The following ZNF136 variants were observed in gnomAD, a reference collection of about 807,000 sequenced individuals.
ZNF136 encodes the protein zinc finger protein 136.
A neutral mutation model predicts 11.4 loss-of-function variants in ZNF136; 8 were observed. The ratio of observed to expected loss-of-function variants is 0.70; its 90% CI spans 0.41 to 1.27. The LOEUF (loss-of-function observed/expected upper bound fraction) is 1.27. Ranked by LOEUF, ZNF136 falls within the 50% of genes most tolerant of loss-of-function variation. ZNF136 has a pLI of 0.01. For synonymous variants in ZNF136, 190 were observed against 207.1 expected (o/e 0.92, Z 0.71); for missense variants, 590 against 656.5 (o/e 0.90, Z 1.11).
In ZNF136 at chr19:12,176,378, C is replaced by G. The variant is rs559290673; in HGVS notation, c.4-9407C>G. Reference sequence around the variant, plus strand: ...TTTCGCTCTTGTTGCCCAGGTGGGACTGCAGTGGCGGGATCTCGGCTCACT... The same window carrying G: ...TTTCGCTCTTGTTGCCCAGGTGGGAGTGCAGTGGCGGGATCTCGGCTCACT... On this transcript the variant is annotated intron_variant, in intron 1 of 3. Transcript: ENST00000343979. 1.0e-3 allele frequency among the ~76,000 whole-genome samples: 154 copies of G among 152,048 alleles called. 1 individual carries two copies. In the East Asian group the frequency reaches 0.022, roughly 22 times the overall value.
chr19:12,165,986 G>T (rs532091672), intron 1 of ZNF136, among the ~76,000 whole-genome samples: 1 of 152,278 alleles, frequency 6.6e-6, no homozygotes, highest in South Asian at 2.1e-4. Flanking sequence ...CCAGCACTTT[G>T]GGAGGCTGAA....
At chr19:12,180,646 T>C (rs1184431202) in intron 1 of ZNF136, among the ~76,000 whole-genome samples, 2 of 152,208 alleles carry the variant, frequency 1.3e-5, no homozygotes, top group South Asian at 2.1e-4. Context: ...CCACCTCTTA[T>C]ACATCTTCAG....
chr19:12,180,873 G>A (rs1401210666), intron 1 of ZNF136, among the ~76,000 whole-genome samples: 1 of 152,198 alleles, frequency 6.6e-6, no homozygotes, highest in Non-Finnish European at 1.5e-5. Context: ...CACTGCATAC[G>A]GTGTGTGCTA....
chr19:12,163,232 G>A (rs771738089), intron 1 of ZNF136, 26 bp downstream of exon 1: 2 of 1,377,922 alleles, frequency 1.5e-6, no homozygotes, highest in Non-Finnish European at 1.9e-6. Flanking sequence ...CCTGCGTCCC[G>A]AGACAGGGAG....
chr19:12,171,001 A>AGTC (rs1277710333), intron 1 of ZNF136, among the ~76,000 whole-genome samples: 2 of 151,824 alleles, frequency 1.3e-5, no homozygotes, highest in African/African-American at 4.8e-5. Flanking sequence ...ACGCCCGGCT[A>AGTC]ATTTTGTTTT....
rs768298482 is a variant in ZNF136, at chr19:12,185,837, C to G, written c.56C>G (p.Ala19Gly). Reference sequence around the variant, plus strand: ...GTGAACTTCACCCAGGAGGAGTGGGCTTTGCTAGATCCTTCCCAGAAGAAT... The same window carrying G: ...GTGAACTTCACCCAGGAGGAGTGGGGTTTGCTAGATCCTTCCCAGAAGAAT... The part of the protein sequence containing the change: ...VDVNFTQEEW[A>G]LLDPSQKNLY... Residue 19 changes from alanine to glycine, a missense_variant, in exon 2 of 4, where the codon GCT (alanine) becomes GGT (glycine). By Grantham distance (60) the Ala-to-Gly change is moderately conservative. Coordinates refer to ENST00000343979, the MANE Select transcript of ZNF136 (RefSeq NM_003437.5). 2 of 1,613,822 alleles carry G rather than the reference C, an allele frequency of 1.2e-6. No individual in the cohort carries two copies. The highest frequency in any genetic ancestry group is 1.7e-6 in the Non-Finnish European group (2 of 1,179,966).
intron 1 of ZNF136, chr19:12,184,925 G>C: frequency 6.6e-6 from 1 of 152,194 alleles, no homozygotes; most frequent in Non-Finnish European, 1.5e-5. Flanking sequence ...TGTGATGCAG[G>C]ACAGGTGCGC....
At chr19:12,171,608 C>T (rs1914654919) in intron 1 of ZNF136, among the ~76,000 whole-genome samples, 1 of 152,014 alleles carries the variant, frequency 6.6e-6, no homozygotes, top group South Asian at 2.1e-4. Context: ...AATTCTTTTT[C>T]ATTTATAGGG....
chr19:12,174,596 A>G (rs934940035), intron 1 of ZNF136, among the ~76,000 whole-genome samples: 2 of 152,154 alleles, frequency 1.3e-5, no homozygotes, highest in African/African-American at 4.8e-5. Flanking sequence ...GTAATAAATA[A>G]CCACAGACTG....
chr19:12,171,333 G>A (rs1002455419), intron 1 of ZNF136, among the ~76,000 whole-genome samples: 1 of 152,172 alleles, frequency 6.6e-6, no homozygotes, highest in African/African-American at 2.4e-5. Context: ...GTAGCTTATA[G>A]ATAGATTGAC....
In ZNF136 at chr19:12,163,098, TAGTCCCAG is replaced by T; in HGVS notation, c.-103_-96del. ...TCTGCCGTACTTGGTTTCGCTTCGC[TAGTCCCAG>T]AGGCCCAGAGTGGCTCGCCTGGAGT... On this transcript the variant is annotated 5_prime_UTR_variant, in exon 1 of 4. Coordinates refer to ENST00000343979, the MANE Select transcript of ZNF136 (RefSeq NM_003437.5). 8 of 1,282,960 alleles carry T rather than the reference TAGTCCCAG, an allele frequency of 6.2e-6. No homozygotes were observed. Among genetic ancestry groups the T allele is most frequent in the Non-Finnish European group, 8.1e-6 (8 of 983,394 alleles). 79.5% of individuals were successfully genotyped at this position (1,282,960 alleles called of 1,614,324 possible).
chr19:12,182,454 C>T (rs1914969862), intron 1 of ZNF136, among the ~76,000 whole-genome samples: 1 of 152,232 alleles, frequency 6.6e-6, no homozygotes, highest in African/African-American at 2.4e-5. Context: ...TGTGGCCCCT[C>T]AGGGGAGCCC....
At chr19:12,168,009 A>G (rs1409138295) in intron 1 of ZNF136, among the ~76,000 whole-genome samples, 1 of 151,162 alleles carries the variant, frequency 6.6e-6, no homozygotes, top group African/African-American at 2.4e-5. Flanking sequence ...TTTAAAAAAT[A>G]AAGCCAGATA....
chr19:12,185,722 G>A, intron 1 of ZNF136, 63 bp from the exon 2 acceptor site: 4 of 1,573,918 alleles, frequency 2.5e-6, no homozygotes, highest in African/African-American at 1.4e-5. Flanking sequence ...TATGAATTGA[G>A]TACAGCTCCC....
intron 1 of ZNF136, among the ~76,000 whole-genome samples, chr19:12,170,730 C>T (rs1181675862): frequency 1.3e-5 from 2 of 149,194 alleles, no homozygotes; most frequent in African/African-American, 2.5e-5. Flanking sequence ...AGTGCAGTGG[C>T]GCGATCTCAG....
intron 1 of ZNF136, among the ~76,000 whole-genome samples, chr19:12,174,013 C>G (rs964973323): frequency 2.0e-5 from 3 of 152,080 alleles, no homozygotes; most frequent in Admixed American, 6.5e-5. Flanking sequence ...TCAGGTGATT[C>G]TCCTGCCTCA....
chr19:12,182,536 C>G (rs1398749313), intron 1 of ZNF136, among the ~76,000 whole-genome samples: 1 of 152,214 alleles, frequency 6.6e-6, no homozygotes, highest in African/African-American at 2.4e-5. Flanking sequence ...TTGGGACACT[C>G]AGCTTGTTTT....
intron 3 of ZNF136, 24 bp downstream of exon 3, chr19:12,186,198 A>G (rs1332221341): frequency 1.3e-6 from 2 of 1,598,118 alleles, no homozygotes; most frequent in Non-Finnish European, 1.7e-6. Context: ...AGAGAAAGCA[A>G]ATTCACTTGA....
chr19:12,164,711 G>A (rs1321903777), intron 1 of ZNF136: 1 of 152,172 alleles, frequency 6.6e-6, no homozygotes, highest in African/African-American at 2.4e-5. Context: ...CAGAGTGCTG[G>A]GATTACAGGC....
Sources: allele counts gnomAD v4.1 joint callset (sites outside exome capture counted in the v4.1 genomes callset), GRCh38; gene constraint gnomAD v4.1.1; transcripts MANE v1.5; gene names NCBI Gene and HGNC (gene_info 2026-07-23, HGNC 2026-07-21).